TSPAN1: variants seen among roughly 807,000 people sequenced by gnomAD.
TSPAN1 encodes the protein tetraspanin-1.
TSPAN1 carries 23 observed loss-of-function variants against 26.9 expected under a neutral mutation model. The observed-to-expected ratio is 0.85, with a 90% confidence interval of 0.62 to 1.21. The LOEUF (loss-of-function observed/expected upper bound fraction) is 1.21, where lower values mean the gene tolerates loss of function less well. Among genes scored for constraint, TSPAN1 ranks in the 50% most tolerant of loss-of-function variants. The pLI, the probability that TSPAN1 is intolerant of heterozygous loss-of-function variation, is 0.00. For synonymous variants in TSPAN1, 115 were observed against 114.8 expected (o/e 1.00, Z -0.01); for missense variants, 283 against 298.4 (o/e 0.95, Z 0.38).
chr1:46,177,355 C>T (rs913742566), intron 1 of TSPAN1, among the ~76,000 whole-genome samples: 12 of 91,444 alleles, frequency 1.3e-4, no homozygotes, highest in Non-Finnish European at 1.6e-4. Context: ...AAAAATATAT[C>T]TATCTATCTA....
At chr1:46,184,519 C>G (rs987651724) in intron 4 of TSPAN1, 75 bp from the exon 5 acceptor site, 2 of 1,561,376 alleles carry the variant, frequency 1.3e-6, no homozygotes, top group Non-Finnish European at 1.8e-6. Flanking sequence ...CTCACTTTTC[C>G]GGGGGGGGGA....
the TSPAN1 span, chr1:46,192,451 C>T: frequency 1.2e-6 from 2 of 1,614,104 alleles, no homozygotes; most frequent in Non-Finnish European, 1.7e-6. Flanking sequence ...GGACAGGGTG[C>T]CATAGTGGGA....
chr1:46,176,859 T>C (rs1657186086), intron 1 of TSPAN1, among the ~76,000 whole-genome samples: 1 of 152,256 alleles, frequency 6.6e-6, no homozygotes, highest in South Asian at 2.1e-4. Flanking sequence ...GCCATCATTA[T>C]ACCTATTTAT....
At position 46,184,988 on chromosome 1, in the gene TSPAN1, C is replaced by T. The variant is rs201800369; in HGVS notation, c.467C>T (p.Thr156Met). 178 of 1,614,204 alleles carry T rather than the reference C, an allele frequency of 1.1e-4. No individual in the cohort carries two copies. Among genetic ancestry groups the T allele is most frequent in the Middle Eastern group, 8.2e-4 (5 of 6,062 alleles). Residue 156 changes from threonine to methionine, a missense_variant, in exon 7 of 9, where the codon ACG becomes ATG. Physicochemically the swap from Thr to Met is moderately conservative, Grantham distance 81. Coordinates refer to ENST00000372003, the MANE Select transcript of TSPAN1 (RefSeq NM_005727.4). ...AAGTGCTGTGGCTTCACCAACTATACGGATTTTGAGGACTCACCCTACTTC... is the reference window on the plus strand; with the variant it reads ...AAGTGCTGTGGCTTCACCAACTATATGGATTTTGAGGACTCACCCTACTTC... ...GLKCCGFTNY[T>M]DFEDSPYFKE...
chr1:46,193,632 G>C, the TSPAN1 span: 1 of 1,614,196 alleles, frequency 6.2e-7, no homozygotes, highest in Admixed American at 1.7e-5. Flanking sequence ...AGCAGAGAGC[G>C]CAGCATCCTG....
chr1:46,193,420 G>C, the TSPAN1 span: 1 of 1,607,444 alleles, frequency 6.2e-7, no homozygotes, highest in Non-Finnish European at 8.5e-7. Context: ...CACCATGTGA[G>C]GTCACTTTCC....
chr1:46,176,235 T>C (rs1369454749), intron 1 of TSPAN1: 3 of 1,535,244 alleles, frequency 2.0e-6, no homozygotes, highest in Non-Finnish European at 2.6e-6. Context: ...AACCTTGAGG[T>C]GGGAAGATCC....
At chr1:46,185,431 A>G in intron 8 of TSPAN1, 55 bp from the exon 9 acceptor site, 1 of 1,611,978 alleles carries the variant, frequency 6.2e-7, no homozygotes, top group Non-Finnish European at 8.5e-7. Context: ...TCTGTGGGAC[A>G]GGCTTCAGGA....
chr1:46,175,469 T>G, intron 1 of TSPAN1, 60 bp downstream of exon 1: 1 of 397,466 alleles, frequency 2.5e-6, no homozygotes, highest in Admixed American at 4.4e-5. Context: ...TTAACACCTC[T>G]GTGTGGAATA....
chr1:46,178,372 AC>A (rs1327133065), intron 1 of TSPAN1, among the ~76,000 whole-genome samples: 3 of 147,902 alleles, frequency 2.0e-5, no homozygotes, highest in African/African-American at 7.4e-5. Flanking sequence ...AAAAAAATAG[AC>A]CTTCTCCTTC....
downstream of TSPAN1, chr1:46,189,795 T>TGG: frequency 6.2e-7 from 1 of 1,608,618 alleles, no homozygotes; most frequent in Non-Finnish European, 8.5e-7. Context: ...CCCTGGATCT[T>TGG]GGGGCAGTAT....
chr1:46,189,076 A>G, downstream of TSPAN1: 5 of 1,517,532 alleles, frequency 3.3e-6, no homozygotes, highest in Non-Finnish European at 4.4e-6. Flanking sequence ...GGAAGTAAAT[A>G]AATAGACTTT....
the TSPAN1 span, chr1:46,195,726 T>G: frequency 1.7e-6 from 2 of 1,189,096 alleles, no homozygotes; most frequent in Non-Finnish European, 2.4e-6. Context: ...CTTCCCACTA[T>G]GTTATATGAG....
chr1:46,175,632 G>A (rs1023048716), intron 1 of TSPAN1: 1 of 399,352 alleles, frequency 2.5e-6, no homozygotes, highest in African/African-American at 2.1e-5. Flanking sequence ...TCTGAGAACT[G>A]AGGAGAGGAA....
chr1:46,190,246 G>A (rs1478540175), downstream of TSPAN1: 12 of 673,352 alleles, frequency 1.8e-5, no homozygotes, highest in Admixed American at 5.1e-5. Context: ...GGGTTTCACC[G>A]TGTTAGCCAG....
the TSPAN1 span, chr1:46,192,834 G>C: frequency 6.2e-7 from 1 of 1,608,228 alleles, no homozygotes; most frequent in Admixed American, 1.7e-5. Context: ...AGCTCTCTAG[G>C]ACACCTCACT....
chr1:46,195,983 C>G, the TSPAN1 span: 11 of 1,614,008 alleles, frequency 6.8e-6, no homozygotes, highest in African/African-American at 1.5e-4. Flanking sequence ...AGCTCCAGCC[C>G]TCTGGGTCAC....
rs1268684578 is a variant in TSPAN1, at chr1:46,185,660, T to C, written c.*127T>C. 3 of 1,089,150 alleles carry C rather than the reference T, an allele frequency of 2.8e-6. No individual in the cohort carries two copies. Among genetic ancestry groups the C allele is most frequent in the Non-Finnish European group, 4.1e-6 (3 of 734,970 alleles). 67.5% of individuals were successfully genotyped at this position (1,089,150 alleles called of 1,614,324 possible). A position where few individuals can be genotyped will look rare whatever the true frequency, so the allele number is the denominator to read the frequency against. On this transcript the variant is annotated 3_prime_UTR_variant, in exon 9 of 9. Transcript: ENST00000372003. ...CACTTGGGCCAGAATGGACCTGCCC[T>C]TTCTGCTCCAGACTTGGGGCTAGAT... is the stretch of plus-strand genomic sequence containing the variant.
chr1:46,181,100 G>T lies in TSPAN1; in HGVS notation c.-8G>T. On this transcript the variant is annotated splice_region_variant and 5_prime_UTR_variant, in exon 3 of 9. Transcript: ENST00000372003. The stretch of plus-strand genomic sequence containing the variant: ...TAACTTGCACATGTCTACCTCCCAG[G>T]AGCCACCATGCAGTGCTTCAGCTTC... 6.2e-7 allele frequency: 1 copy of T among 1,613,830 alleles called. No individual in the cohort carries two copies. Among genetic ancestry groups the T allele is most frequent in the Non-Finnish European group, 8.5e-7 (1 of 1,179,870 alleles).
Sources: gnomAD v4.1 joint callset for allele counts (sites outside exome capture counted in the v4.1 genomes callset) on GRCh38, gnomAD v4.1.1 for gene constraint, MANE v1.5 for transcripts, NCBI Gene and HGNC (gene_info 2026-07-23, HGNC 2026-07-21) for gene names.